Variants in PMPCB observed in about 807,000 individuals in gnomAD.
The protein encoded by PMPCB is mitochondrial-processing peptidase subunit beta.
Under a neutral mutation model 61.5 loss-of-function variants are expected in PMPCB, and 46 were observed. The ratio of observed to expected loss-of-function variants is 0.75; its 90% confidence interval spans 0.59 to 0.96. The LOEUF is 0.96. PMPCB is among the 40% of genes least tolerant of loss of function. The pLI is 0.00. For missense variants in PMPCB, 590 were observed against 602.4 expected, an observed-to-expected ratio of 0.98 and a Z score of 0.22; for synonymous variants, 191 against 201.6, an observed-to-expected ratio of 0.95 and a Z score of 0.44.
chr7:103,317,762 T>C (rs968944997), downstream of PMPCB, among the ~76,000 whole-genome samples: 3 of 152,194 alleles, frequency 2.0e-5, no homozygotes, highest in Admixed American at 6.5e-5. Flanking sequence ...GTGATTCTCC[T>C]GCCTCAGCCT....
the PMPCB span, chr7:103,335,855 T>A: frequency 6.6e-6 from 1 of 152,196 alleles, no homozygotes; most frequent in African/African-American, 2.4e-5. Context: ...AAAAATCAAT[T>A]TCTACAAGGC....
chr7:103,307,234 C>T (rs1817614658), intron 6 of PMPCB, among the ~76,000 whole-genome samples: 1 of 152,142 alleles, frequency 6.6e-6, no homozygotes, highest in Admixed American at 6.5e-5. Flanking sequence ...TTTGTATTTT[C>T]CACTAAAAAA....
At chr7:103,321,693 C>T (rs934177352) in intron 12 of PMPCB, among the ~76,000 whole-genome samples, 1 of 151,768 alleles carries the variant, frequency 6.6e-6, no homozygotes, top group Admixed American at 6.6e-5. Context: ...ACTAAAAATA[C>T]AAAAAATTAG....
the PMPCB span, among the ~76,000 whole-genome samples, chr7:103,340,004 A>G: frequency 6.6e-6 from 1 of 151,842 alleles, no homozygotes; most frequent in Admixed American, 6.6e-5. Flanking sequence ...ACGCCTGGCT[A>G]ATTTTGTATT....
At chr7:103,337,812 C>A in the PMPCB span, 1 of 1,609,914 alleles carries the variant, frequency 6.2e-7, no homozygotes, top group Admixed American at 1.7e-5. Flanking sequence ...GATCTTGGTT[C>A]TGGAAAAAAA....
At chr7:103,300,372 A>G in intron 4 of PMPCB, 65 bp downstream of exon 4, 1 of 1,264,940 alleles carries the variant, frequency 7.9e-7, no homozygotes, top group Non-Finnish European at 1.1e-6. Flanking sequence ...ATTTAGTACT[A>G]TTTTTATTAT....
the PMPCB span, among the ~76,000 whole-genome samples, chr7:103,338,267 C>CTTT: frequency 2.4e-5 from 3 of 124,120 alleles, no homozygotes; most frequent in Non-Finnish European, 5.2e-5. Context: ...AAGACCCTGT[C>CTTT]TTTTTTTTTT....
the PMPCB span, among the ~76,000 whole-genome samples, chr7:103,334,833 G>A: frequency 6.6e-6 from 1 of 152,080 alleles, no homozygotes; most frequent in East Asian, 1.9e-4. Context: ...AATATTTTTG[G>A]TATTTTTTTG....
At chr7:103,309,933 AG>A (rs1817690135) in intron 8 of PMPCB, among the ~76,000 whole-genome samples, 1 of 152,236 alleles carries the variant, frequency 6.6e-6, no homozygotes, top group African/African-American at 2.4e-5. Flanking sequence ...CTTTACTCAT[AG>A]ATTTCTCCAA....
intron 6 of PMPCB, among the ~76,000 whole-genome samples, chr7:103,306,077 C>T (rs549880387): frequency 2.7e-4 from 41 of 152,288 alleles, no homozygotes; most frequent in African/African-American, 9.9e-4. Flanking sequence ...ATGATTGCAT[C>T]TTAAATTCAA....
chr7:103,307,550 C>T, intron 6 of PMPCB, 46 bp from the exon 7 acceptor site: 1 of 1,107,550 alleles, frequency 9.0e-7, no homozygotes, highest in South Asian at 1.3e-5. Context: ...TTATTGTAAA[C>T]TATATTGCTG....
rs907362551 is a variant in PMPCB at position 103,313,237 on chromosome 7, A to G, written c.*966A>G. ...TTGAAAATAAACTTGTAGAGATGAG[A>G]GATACATATAGCCCTCTGAGTGTTA... On this transcript the variant is annotated 3_prime_UTR_variant, in exon 13 of 13. Transcript: ENST00000249269. The G allele has an allele frequency of 1.8e-5, 26 of 1,433,228 alleles. No homozygotes were observed. Among genetic ancestry groups the G allele is most frequent in the Non-Finnish European group, 1.5e-5 (16 of 1,098,170 alleles). The allele number at this position is 1,433,228 out of a possible 1,614,324, so 88.8% of individuals were successfully genotyped here.
At chr7:103,298,105 A>AC (rs1318718359) in intron 1 of PMPCB, among the ~76,000 whole-genome samples, 1 of 151,560 alleles carries the variant, frequency 6.6e-6, no homozygotes, top group Non-Finnish European at 1.5e-5. Flanking sequence ...TTGAACATCG[A>AC]CCCATCTTCC....
intron 1 of PMPCB, chr7:103,297,807 G>C: frequency 6.6e-7 from 1 of 1,526,108 alleles, no homozygotes; most frequent in Non-Finnish European, 8.8e-7. Flanking sequence ...CAGCTACTGA[G>C]GAGTGCATGT....
intron 11 of PMPCB, 56 bp from the exon 12 acceptor site, chr7:103,312,000 G>A: frequency 6.3e-7 from 1 of 1,576,162 alleles, no homozygotes. Flanking sequence ...AAAGTTCCAG[G>A]TATAGACTTT....
chr7:103,330,605 C>G (rs951562171), downstream of PMPCB, among the ~76,000 whole-genome samples: 2 of 152,136 alleles, frequency 1.3e-5, no homozygotes, highest in African/African-American at 4.8e-5. Context: ...CCATGTGCCA[C>G]TACGCCCGGC....
chr7:103,324,505 A>C (rs780688575), intron 12 of PMPCB: 1 of 1,498,270 alleles, frequency 6.7e-7, no homozygotes, highest in South Asian at 1.3e-5. Context: ...ATATATCTAC[A>C]TCTTCAAATG....
intron 3 of PMPCB, 94 bp from the exon 4 acceptor site, chr7:103,300,084 A>C: frequency 8.1e-7 from 1 of 1,235,614 alleles, no homozygotes; most frequent in Non-Finnish European, 1.1e-6. Flanking sequence ...CCCTGCATGA[A>C]ACTAACTTAT....
In PMPCB at chr7:103,305,021, C is replaced by T. The variant is rs575133218; in HGVS notation, c.736+531C>T. Among the ~76,000 whole-genome samples the T allele has an allele frequency of 2.0e-3, 299 of 151,956 alleles. 3 individuals are homozygous for T. The highest frequency in any genetic ancestry group is 6.8e-3 in the African/African-American group (280 of 41,444). ...CTTAATGAACTGTTCAATACATAAG[C>T]GTACATAGTAGAACGTGCAAGAAAA... is the stretch of plus-strand genomic sequence containing the variant. On this transcript the variant is annotated intron_variant, in intron 6 of 12. Coordinates refer to ENST00000249269, the MANE Select transcript of PMPCB (RefSeq NM_004279.3).
Sources: allele counts gnomAD v4.1 joint callset (sites outside exome capture counted in the v4.1 genomes callset), GRCh38; gene constraint gnomAD v4.1.1; transcripts MANE v1.5; gene names NCBI Gene and HGNC (gene_info 2026-07-23, HGNC 2026-07-21).